Variants in NBEA observed in about 807,000 individuals in gnomAD.
NBEA encodes the protein lysosomal-trafficking regulator 2.
A neutral mutation model predicts 343.4 loss-of-function variants in NBEA; 44 were observed. The ratio of observed to expected loss-of-function variants is 0.13; its 90% CI spans 0.10 to 0.16. The LOEUF (loss-of-function observed/expected upper bound fraction) is 0.16, where lower values mean the gene tolerates loss of function less well. Ranked by LOEUF, NBEA falls within the 10% of genes least tolerant of loss-of-function variation. The pLI is 1.00. For missense variants in NBEA, 2,555 were observed against 3,631.3 expected (o/e 0.70, Z 7.62); for synonymous variants, 1,175 against 1,238.7 (o/e 0.95, Z 1.08).
chr13:35,055,524 A>G (rs1429746642), intron 6 of NBEA, among the ~76,000 whole-genome samples: 1 of 152,154 alleles, frequency 6.6e-6, no homozygotes, highest in Non-Finnish European at 1.5e-5. Context: ...TGACCATGCA[A>G]TCCAAAGTAG....
At chr13:35,601,977 A>T (rs919389423) in intron 47 of NBEA, among the ~76,000 whole-genome samples, 1 of 152,052 alleles carries the variant, frequency 6.6e-6, no homozygotes, top group Non-Finnish European at 1.5e-5. Flanking sequence ...TAATGAGAAC[A>T]CCTACTTCAC....
intron 36 of NBEA, among the ~76,000 whole-genome samples, chr13:35,313,534 C>T (rs1373686902): frequency 3.3e-5 from 5 of 152,104 alleles, no homozygotes; most frequent in African/African-American, 4.8e-5. Flanking sequence ...TAAGTTAGTA[C>T]TAAAGGGACC....
intron 10 of NBEA, among the ~76,000 whole-genome samples, chr13:35,093,315 C>CAAAAAA (rs34323263): frequency 3.5e-5 from 5 of 141,280 alleles, no homozygotes; most frequent in Non-Finnish European, 4.7e-5. Context: ...ACTGGTACAC[C>CAAAAAA]AAAAAAAAAA....
At chr13:35,370,077 G>T (rs558915499) in intron 38 of NBEA, among the ~76,000 whole-genome samples, 10 of 151,902 alleles carry the variant, frequency 6.6e-5, no homozygotes, top group Non-Finnish European at 8.8e-5. Flanking sequence ...TCAATTTTTT[G>T]TTGTTGTTGT....
In NBEA at chr13:35,070,151, C is replaced by T. The variant is rs534335742; in HGVS notation, c.1437+46C>T. 4.7e-5 allele frequency: 66 copies of T among 1,407,320 alleles called. No individual in the cohort carries two copies. The East Asian group carries it at 1.5e-3, about 31-fold the overall frequency. The allele number at this position is 1,407,320 out of a possible 1,614,324, so 87.2% of individuals were successfully genotyped here. A position where few individuals can be genotyped will look rare whatever the true frequency, so the allele number is the denominator to read the frequency against. ...TTTTCATGTTCTTGTCAGAATTTGACAGTATCTTTATTTTATATATCAAAC... is the reference window on the plus strand; with the variant it reads ...TTTTCATGTTCTTGTCAGAATTTGATAGTATCTTTATTTTATATATCAAAC... On this transcript the variant is annotated intron_variant, in intron 9 of 58. Transcript: ENST00000379939.
rs73505627 is a variant in NBEA, at chr13:35,193,207, T to C, written c.4928-2657T>C. On this transcript the variant is annotated intron_variant, in intron 30 of 58. Transcript: ENST00000379939. ...AATGTACAATCCATAGATACAAATG[T>C]ATGTTAAAATATATTCAGTGGTATC... Among the ~76,000 whole-genome samples the C allele has an allele frequency of 6.4e-3, 975 of 152,090 alleles. 11 individuals carry two copies. Among genetic ancestry groups the C allele is most frequent in the African/African-American group, 0.022 (934 of 41,576 alleles).
At chr13:35,426,887 C>T (rs2044715462) in intron 38 of NBEA, among the ~76,000 whole-genome samples, 1 of 152,226 alleles carries the variant, frequency 6.6e-6, no homozygotes, top group South Asian at 2.1e-4. Context: ...TCATTTCATT[C>T]ATTTTATCTT....
In NBEA at chr13:35,448,750, CAG is replaced by C. The variant is rs752332792; in HGVS notation, c.6305-3338_6305-3337del. ...GAGTACACAAGTGCTCTTAAGAAAT[CAG>C]AGAAGGGAATGGGGTGGTGGGGTGA... On this transcript the variant is annotated intron_variant, in intron 39 of 58. Coordinates refer to ENST00000379939, the MANE Select transcript of NBEA (RefSeq NM_001385012.1). Among the ~76,000 whole-genome samples, 4 of 152,092 alleles carry C rather than the reference CAG, an allele frequency of 2.6e-5. No homozygotes were observed. In the South Asian group the frequency reaches 6.2e-4, roughly 24 times the overall value.
chr13:35,445,782 T>TTATATATATA lies in NBEA; in HGVS notation c.6305-6284_6305-6275dup, dbSNP rs71081255. On this transcript the variant is annotated intron_variant, in intron 39 of 58. Coordinates refer to ENST00000379939, the MANE Select transcript of NBEA (RefSeq NM_001385012.1). ...TGACTTAATTCTAAGATATAAATGTTTATATATATATATATATATATATAT... is the reference window on the plus strand; with the variant it reads ...TGACTTAATTCTAAGATATAAATGTTTATATATATATATATATATATATATATATATATAT... Among the ~76,000 whole-genome samples the TTATATATATA allele has an allele frequency of 5.9e-3, 664 of 113,050 alleles. 10 individuals are homozygous for TTATATATATA. Among genetic ancestry groups the TTATATATATA allele is most frequent in the African/African-American group, 0.013 (382 of 29,248 alleles). 74.2% of individuals were successfully genotyped at this position (113,050 alleles called of 152,430 possible). A position where few individuals can be genotyped will look rare whatever the true frequency, so the allele number is the denominator to read the frequency against.
chr13:34,961,781 TCTTTATA>T (rs2059669999), intron 1 of NBEA, among the ~76,000 whole-genome samples: 1 of 151,984 alleles, frequency 6.6e-6, no homozygotes, highest in South Asian at 2.1e-4. Context: ...TCAAGGTAAG[TCTTTATA>T]AAGGTGATGA....
intron 47 of NBEA, among the ~76,000 whole-genome samples, chr13:35,597,898 A>G (rs1482942358): frequency 1.3e-5 from 2 of 152,196 alleles, no homozygotes; most frequent in Admixed American, 6.5e-5. Context: ...ATGAGTTGCA[A>G]AGTCACATTT....
chr13:35,104,419 T>C lies in NBEA; in HGVS notation c.1681-4871T>C, dbSNP rs1399991207. ...GGGGCAATGTATATATATTTTTGTC[T>C]CCCCTTATTGCTGTATCTTCAGCAC... is the stretch of plus-strand genomic sequence containing the variant. On this transcript the variant is annotated intron_variant, in intron 11 of 58. Transcript: ENST00000379939. Among the ~76,000 whole-genome samples the C allele has an allele frequency of 2.6e-5, 4 of 151,932 alleles. No homozygotes were observed. The East Asian group carries it at 7.7e-4, about 29-fold the overall frequency.
intron 4 of NBEA, among the ~76,000 whole-genome samples, chr13:35,047,323 A>G (rs1640183780): frequency 6.6e-6 from 1 of 151,832 alleles, no homozygotes; most frequent in Non-Finnish European, 1.5e-5. Context: ...GGAGTAGATT[A>G]CATTCCTTAC....
intron 40 of NBEA, among the ~76,000 whole-genome samples, chr13:35,456,238 A>G (rs185634025): frequency 2.2e-4 from 34 of 152,102 alleles, no homozygotes; most frequent in Non-Finnish European, 4.7e-4. Context: ...TTTAAATGTC[A>G]TACAATTTTA....
At chr13:34,954,628 G>A (rs1836777599) in intron 1 of NBEA, among the ~76,000 whole-genome samples, 1 of 152,106 alleles carries the variant, frequency 6.6e-6, no homozygotes, top group African/African-American at 2.4e-5. Flanking sequence ...TGGAAGATTG[G>A]TTTCAGGACC....
At chr13:35,271,909 GGAA>G (rs1323249182) in intron 34 of NBEA, among the ~76,000 whole-genome samples, 3 of 152,162 alleles carry the variant, frequency 2.0e-5, no homozygotes, top group Non-Finnish European at 4.4e-5. Flanking sequence ...CAGAAAGAAT[GGAA>G]CCAAGTTAGA....
At chr13:35,566,488 C>T (rs552329887) in intron 44 of NBEA, among the ~76,000 whole-genome samples, 2 of 152,164 alleles carry the variant, frequency 1.3e-5, no homozygotes, top group African/African-American at 2.4e-5. Context: ...GCTCTGCTTC[C>T]GGGGTTGCAA....
chr13:35,141,973 A>C (rs2068117074), intron 17 of NBEA, among the ~76,000 whole-genome samples: 1 of 151,990 alleles, frequency 6.6e-6, no homozygotes, highest in Admixed American at 6.5e-5. Flanking sequence ...TAACTTCAAA[A>C]TAGTTATTTG....
At chr13:35,377,992 A>ATTT (rs2041834396) in intron 38 of NBEA, among the ~76,000 whole-genome samples, 1 of 152,240 alleles carries the variant, frequency 6.6e-6, no homozygotes, top group Non-Finnish European at 1.5e-5. Context: ...AGCTCAAAAT[A>ATTT]GAGCCCTGTC....
Sources: gnomAD v4.1 joint callset for allele counts (sites outside exome capture counted in the v4.1 genomes callset) on GRCh38, gnomAD v4.1.1 for gene constraint, MANE v1.5 for transcripts, NCBI Gene and HGNC (gene_info 2026-07-23, HGNC 2026-07-21) for gene names.